Variants in PRUNE2 observed in about 807,000 individuals in gnomAD.
PRUNE2 encodes the protein prune homolog 2 with BCH domain.
In PRUNE2, 164 loss-of-function variants were observed where a neutral mutation model predicts 252.0. That is an observed-to-expected ratio of 0.65 (90% confidence interval 0.57 to 0.74). The LOEUF (loss-of-function observed/expected upper bound fraction) is 0.74. Ranked by LOEUF, PRUNE2 falls within the 30% of genes least tolerant of loss-of-function variation. The pLI is 0.00. For synonymous variants in PRUNE2, 1,292 were observed against 1,350.2 expected (o/e 0.96, Z 0.94); for missense variants, 3,495 against 3,711.0 (o/e 0.94, Z 1.51).
chr9:76,643,203 G>A (rs10121113), intron 12 of PRUNE2, among the ~76,000 whole-genome samples: 1,526 of 152,260 alleles, frequency 0.01, 23 homozygotes, highest in African/African-American at 0.035. Context: ...AGTATTAGCA[G>A]ATAACTAGCC....
chr9:76,765,169 A>G (rs2052202837), intron 6 of PRUNE2, among the ~76,000 whole-genome samples: 1 of 152,216 alleles, frequency 6.6e-6, no homozygotes, highest in Admixed American at 6.5e-5. Context: ...AGAAAAGTCA[A>G]TGAGCTGGAA....
chr9:76,705,914 G>T lies in PRUNE2; in HGVS notation c.6360C>A (p.His2120Gln). ...CTTCAGGTCCCATGCAAGCACTGAGGTGCTTCTCAGTCTCTTGCTTTGCTT... is the reference window on the plus strand; with the variant it reads ...CTTCAGGTCCCATGCAAGCACTGAGTTGCTTCTCAGTCTCTTGCTTTGCTT... ...DSEAKQETEK[H>Q]LSACMGPEVE... Residue 2120 changes from histidine to glutamine, a missense_variant, in exon 8 of 19, where the codon CAC becomes CAA. By Grantham distance (24) the His-to-Gln change is conservative (BLOSUM62 0). Transcript: ENST00000376718. 6.2e-7 allele frequency: 1 copy of T among 1,613,922 alleles called. No homozygotes were observed. Among genetic ancestry groups the T allele is most frequent in the Non-Finnish European group, 8.5e-7 (1 of 1,179,882 alleles).
rs1307484764 is a variant in PRUNE2 at position 76,735,173 on chromosome 9, G to T, written c.757-21452C>A. Among the ~76,000 whole-genome samples, 3 of 152,164 alleles carry T rather than the reference G, an allele frequency of 2.0e-5. No homozygotes were observed. In the East Asian group the frequency reaches 5.8e-4, roughly 29 times the overall value. On this transcript the variant is annotated intron_variant, in intron 6 of 18. Coordinates refer to ENST00000376718, the MANE Select transcript of PRUNE2 (RefSeq NM_015225.3). Reference sequence around the variant, plus strand: ...AGTATCAGAAGCTAGATCTATCCTGGATTATCAACAGAGCAGTTTGTTGTT... The same window carrying T: ...AGTATCAGAAGCTAGATCTATCCTGTATTATCAACAGAGCAGTTTGTTGTT...
rs149918939 is a variant in PRUNE2 at position 76,613,558 on chromosome 9, C to T, written c.*1012G>A. On this transcript the variant is annotated 3_prime_UTR_variant, in exon 19 of 19. Coordinates refer to ENST00000376718, the MANE Select transcript of PRUNE2 (RefSeq NM_015225.3). ...GCGAGACTTAGCTGTGGTTTGCCAC[C>T]CCACCTCACTAGAGGCCTACAGACT... The T allele has an allele frequency of 6.6e-6, 1 of 152,092 alleles. No individual in the cohort carries two copies. Among genetic ancestry groups the T allele is most frequent in the African/African-American group, 2.4e-5 (1 of 41,416 alleles). The allele number at this position is 152,092 out of a possible 1,614,324, so 9.4% of individuals were successfully genotyped here. A position where few individuals can be genotyped will look rare whatever the true frequency, so the allele number is the denominator to read the frequency against.
intron 9 of PRUNE2, among the ~76,000 whole-genome samples, chr9:76,682,347 G>A (rs1369735849): frequency 6.8e-6 from 1 of 147,570 alleles, no homozygotes; most frequent in African/African-American, 2.5e-5. Flanking sequence ...TGCCACTATG[G>A]ATGATCACTA....
intron 12 of PRUNE2, among the ~76,000 whole-genome samples, chr9:76,644,028 G>A (rs557438563): frequency 1.3e-4 from 20 of 152,218 alleles, no homozygotes; most frequent in African/African-American, 4.8e-4. Context: ...AAATGCTGTC[G>A]AGGTTTTCTG....
At chr9:76,764,965 T>C (rs1468117612) in intron 6 of PRUNE2, among the ~76,000 whole-genome samples, 4 of 152,198 alleles carry the variant, frequency 2.6e-5, no homozygotes, top group Non-Finnish European at 5.9e-5. Context: ...GAGAGAAGAA[T>C]GATGCAGAGC....
rs545968344 is a variant in PRUNE2, at chr9:76,906,045, G to A, written c.-82C>T. On this transcript the variant is annotated 5_prime_UTR_variant, in exon 1 of 19. Coordinates refer to ENST00000376718, the MANE Select transcript of PRUNE2 (RefSeq NM_015225.3). ...GCCCAAGGAAGACGAGCGGGGTCCCGGGAAAGTGGCCCGCCGGGGCGCAGC... is the reference window on the plus strand; with the variant it reads ...GCCCAAGGAAGACGAGCGGGGTCCCAGGAAAGTGGCCCGCCGGGGCGCAGC... 42 of 1,488,190 alleles carry A rather than the reference G, an allele frequency of 2.8e-5. No homozygotes were observed. In the East Asian group the frequency reaches 7.7e-4, roughly 27 times the overall value. The allele number at this position is 1,488,190 out of a possible 1,614,324, so 92.2% of individuals were successfully genotyped here.
chr9:76,714,570 A>AT (rs1588779417), intron 6 of PRUNE2, among the ~76,000 whole-genome samples: 2 of 151,692 alleles, frequency 1.3e-5, no homozygotes, highest in South Asian at 4.2e-4. Context: ...AATTTATTGT[A>AT]TTTTTTTGTA....
Position 76,706,074 on chromosome 9 carries a change from G to A in PRUNE2, c.6200C>T (p.Ala2067Val), listed in dbSNP as rs374932024. The A allele has an allele frequency of 4.3e-5, 69 of 1,613,980 alleles. No individual in the cohort carries two copies. Among genetic ancestry groups the A allele is most frequent in the Middle Eastern group, 1.6e-4 (1 of 6,062 alleles). The change falls in exon 8 of 19, where the codon GCG becomes GTG. Residue 2067 changes from alanine (A) to valine (V), a missense_variant. Coordinates refer to ENST00000376718, the MANE Select transcript of PRUNE2 (RefSeq NM_015225.3). ...FQEGGQLASA[A>V]PDLWIDAKKP... ...CTTAGCATCTATCCACAAGTCAGGC[G>A]CGGCAGAGGCCAGCTGCCCACCCTC...
At chr9:76,743,003 G>A (rs890626818) in intron 6 of PRUNE2, among the ~76,000 whole-genome samples, 21 of 152,114 alleles carry the variant, frequency 1.4e-4, no homozygotes, top group Admixed American at 7.2e-4. Context: ...TCACGAGGTC[G>A]GTTACCTCCA....
At chr9:76,867,006 G>A (rs1003985729) in intron 1 of PRUNE2, among the ~76,000 whole-genome samples, 1 of 152,128 alleles carries the variant, frequency 6.6e-6, no homozygotes. Context: ...ACTTGTGCCT[G>A]GTATTAGTCA....
chr9:76,861,130 G>A (rs1039543167), intron 1 of PRUNE2, among the ~76,000 whole-genome samples: 1 of 152,216 alleles, frequency 6.6e-6, no homozygotes, highest in African/African-American at 2.4e-5. Context: ...GGCCAAGTGA[G>A]CAGCAGGGGC....
At chr9:76,750,775 G>A (rs1297081399) in intron 6 of PRUNE2, among the ~76,000 whole-genome samples, 5 of 152,196 alleles carry the variant, frequency 3.3e-5, no homozygotes, top group African/African-American at 1.2e-4. Context: ...TGAGGCGCTT[G>A]TATGAAAACC....
chr9:76,823,771 T>A, intron 5 of PRUNE2, 45 bp from the exon 6 acceptor site: 1 of 823,984 alleles, frequency 1.2e-6, no homozygotes. Flanking sequence ...ACTTGAGGGA[T>A]TTTTTTTTTG....
intron 9 of PRUNE2, chr9:76,692,265 T>A (rs1200775229): frequency 1.5e-6 from 1 of 675,456 alleles, no homozygotes; most frequent in African/African-American, 1.8e-5. Context: ...CCGCTGTGGC[T>A]AGGGGGCACA....
intron 6 of PRUNE2, among the ~76,000 whole-genome samples, chr9:76,775,891 T>C (rs2053678986): frequency 6.7e-6 from 1 of 150,302 alleles, no homozygotes; most frequent in South Asian, 2.1e-4. Context: ...TTTCTATAAC[T>C]TCCATTACTC....
chr9:76,770,829 A>G (rs1337699416), intron 6 of PRUNE2, among the ~76,000 whole-genome samples: 1 of 152,236 alleles, frequency 6.6e-6, no homozygotes, highest in Non-Finnish European at 1.5e-5. Flanking sequence ...ACTGCTCATA[A>G]TGGTCAGTAT....
At chr9:76,642,299 C>T (rs1484317411) in intron 12 of PRUNE2, among the ~76,000 whole-genome samples, 1 of 152,148 alleles carries the variant, frequency 6.6e-6, no homozygotes, top group Non-Finnish European at 1.5e-5. Flanking sequence ...AAGTAATGTA[C>T]CAAGGTTACA....
Sources: gnomAD v4.1 joint callset for allele counts (sites outside exome capture counted in the v4.1 genomes callset) on GRCh38, gnomAD v4.1.1 for gene constraint, MANE v1.5 for transcripts, NCBI Gene and HGNC (gene_info 2026-07-23, HGNC 2026-07-21) for gene names.